RGS13: variants seen among roughly 807,000 people sequenced by gnomAD.
RGS13 encodes regulator of G-protein signalling 13.
RGS13 carries 14 observed loss-of-function variants against 19.9 expected under a neutral mutation model. The ratio of observed to expected loss-of-function variants is 0.70; its 90% CI spans 0.46 to 1.10. The LOEUF is 1.10. RGS13 is among the 50% of genes least tolerant of loss of function. The pLI is 0.00. For missense variants in RGS13, 205 were observed against 187.1 expected (o/e 1.10, Z -0.56); for synonymous variants, 60 against 56.8 (o/e 1.06, Z -0.25).
chr1:192,656,995 A>G (rs1015686123), intron 5 of RGS13, among the ~76,000 whole-genome samples: 2 of 152,076 alleles, frequency 1.3e-5, no homozygotes, highest in African/African-American at 4.8e-5. Context: ...ATTTCTCATA[A>G]TAGTAAATGA....
At position 192,636,447 on chromosome 1, in the gene RGS13, A is replaced by G. The variant is rs1663020470; in HGVS notation, c.-116+130A>G. The G allele has an allele frequency of 2.0e-5, 3 of 152,072 alleles. No homozygotes were observed. In the South Asian group the frequency reaches 6.2e-4, roughly 31 times the overall value. 9.4% of individuals were successfully genotyped at this position (152,072 alleles called of 1,614,324 possible). On this transcript the variant is annotated intron_variant, in intron 1 of 6. Transcript: ENST00000391995. ...ACAGAGGTTTTTCTAAGAAAAAAAG[A>G]CAAACTAACAAACACATATTCTTTT...
In RGS13 at chr1:192,659,614, T is replaced by G; in HGVS notation, c.*91T>G. ...GAAACCCACAAAATCAGAAACACAGTACAAATAAAACAGAAATCAAACTAT... is the reference window on the plus strand; with the variant it reads ...GAAACCCACAAAATCAGAAACACAGGACAAATAAAACAGAAATCAAACTAT... On this transcript the variant is annotated 3_prime_UTR_variant, in exon 7 of 7. Coordinates refer to ENST00000391995, the MANE Select transcript of RGS13 (RefSeq NM_002927.5). 2.3e-6 allele frequency: 2 copies of G among 876,602 alleles called. No individual in the cohort carries two copies. Among genetic ancestry groups the G allele is most frequent in the Non-Finnish European group, 3.5e-6 (2 of 568,362 alleles). The allele number at this position is 876,602 out of a possible 1,614,324, so 54.3% of individuals were successfully genotyped here.
chr1:192,658,403 T>C lies in RGS13; in HGVS notation c.294+36T>C, dbSNP rs765426725. The C allele has an allele frequency of 9.5e-6, 15 of 1,586,024 alleles. No individual in the cohort carries two copies. The Admixed American group carries it at 2.6e-4, about 28-fold the overall frequency. On this transcript the variant is annotated intron_variant, in intron 6 of 6. Coordinates refer to ENST00000391995, the MANE Select transcript of RGS13 (RefSeq NM_002927.5). ...GACAATGACAGGAATGGAAATCAGTTCATCCCTGCAAGGGCATTAATATCT... is the reference window on the plus strand; with the variant it reads ...GACAATGACAGGAATGGAAATCAGTCCATCCCTGCAAGGGCATTAATATCT...
chr1:192,657,865 C>G (rs116012659), intron 5 of RGS13, among the ~76,000 whole-genome samples: 1 of 152,026 alleles, frequency 6.6e-6, no homozygotes, highest in Non-Finnish European at 1.5e-5. Flanking sequence ...ATGATTAGAG[C>G]CCCCGTCCTC....
chr1:192,641,254 A>AAAGAAAGAAAGAAAAGAAAGAAAG (rs1553257010), intron 3 of RGS13, among the ~76,000 whole-genome samples: 1 of 67,390 alleles, frequency 1.5e-5, no homozygotes, highest in African/African-American at 5.1e-5. Context: ...GAAAAGAAAG[A>AAAGAAAGAAAGAAAAGAAAGAAAG]AAAGAAAGAA....
chr1:192,642,391 G>A (rs777232528), intron 3 of RGS13, among the ~76,000 whole-genome samples: 6 of 149,294 alleles, frequency 4.0e-5, no homozygotes, highest in South Asian at 4.2e-4. Context: ...GTGTGATCAC[G>A]GCACACTGCA....
At chr1:192,648,105 C>T in intron 5 of RGS13, 118 bp downstream of exon 5, 2 of 564,972 alleles carry the variant, frequency 3.5e-6, no homozygotes, top group Non-Finnish European at 6.0e-6. Context: ...TAACTGGCAA[C>T]TGACACAGTT....
intron 5 of RGS13, among the ~76,000 whole-genome samples, chr1:192,651,036 G>A (rs6666667): frequency 0.022 from 3,419 of 152,062 alleles, 57 homozygotes; most frequent in Admixed American, 0.037. Context: ...GAGAGGGAGA[G>A]TTCAGATAGA....
chr1:192,659,291 T>A, intron 6 of RGS13, 47 bp from the exon 7 acceptor site: 1 of 1,466,286 alleles, frequency 6.8e-7, no homozygotes, highest in Non-Finnish European at 9.3e-7. Flanking sequence ...TGTGCCTTTT[T>A]TTCAACTATG....
At chr1:192,648,158 T>C (rs757096803) in intron 5 of RGS13, among the ~76,000 whole-genome samples, 171 bp downstream of exon 5, 1 of 152,206 alleles carries the variant, frequency 6.6e-6, no homozygotes. Context: ...TCAACCACTA[T>C]TATTTTCTCT....
At chr1:192,659,247 G>A (rs1663563126) in intron 6 of RGS13, 91 bp from the exon 7 acceptor site, 8 of 804,844 alleles carry the variant, frequency 9.9e-6, no homozygotes, top group Non-Finnish European at 1.3e-5. Context: ...CACTGAAAAG[G>A]AGAGCAGAGA....
At chr1:192,654,405 G>C (rs1663399082) in intron 5 of RGS13, among the ~76,000 whole-genome samples, 1 of 151,560 alleles carries the variant, frequency 6.6e-6, no homozygotes, top group African/African-American at 2.4e-5. Context: ...TTTAAGCTGT[G>C]TTTATAATAT....
Position 192,644,462 on chromosome 1 carries a change from C to A in RGS13, c.65+63C>A, listed in dbSNP as rs990807000. 2.5e-6 allele frequency: 3 copies of A among 1,207,876 alleles called. No homozygotes were observed. The South Asian group carries it at 4.1e-5, about 16-fold the overall frequency. The allele number at this position is 1,207,876 out of a possible 1,614,324, so 74.8% of individuals were successfully genotyped here. ...ATATTTATCAGATGATAAATAGGTA[C>A]ATATTTATTAAACTGCTATTGTAAC... On this transcript the variant is annotated intron_variant, in intron 4 of 6. Coordinates refer to ENST00000391995, the MANE Select transcript of RGS13 (RefSeq NM_002927.5).
rs1319527337 is a variant in RGS13, at chr1:192,660,195, TG to T, written c.*673del. On this transcript the variant is annotated 3_prime_UTR_variant, in exon 7 of 7. Coordinates refer to ENST00000391995, the MANE Select transcript of RGS13 (RefSeq NM_002927.5). ...AAAATGTGGTTTCTATATTTTGAGA[TG>T]TTTTTTCCTTACAATGTGAACTCAT... 1 of 152,102 alleles carries T rather than the reference TG, an allele frequency of 6.6e-6. No individual in the cohort carries two copies. The highest frequency in any genetic ancestry group is 1.5e-5 in the Non-Finnish European group (1 of 67,972). 9.4% of individuals were successfully genotyped at this position (152,102 alleles called of 1,614,324 possible).
chr1:192,648,056 G>A, intron 5 of RGS13, 69 bp downstream of exon 5: 1 of 1,073,562 alleles, frequency 9.3e-7, no homozygotes, highest in Non-Finnish European at 1.4e-6. Flanking sequence ...AGGTGGGGGT[G>A]CCAGATGATG....
intron 5 of RGS13, among the ~76,000 whole-genome samples, chr1:192,651,536 C>A (rs1055700163): frequency 1.3e-5 from 2 of 151,904 alleles, no homozygotes; most frequent in African/African-American, 2.4e-5. Context: ...GGGGAAGAAA[C>A]TGATGACACA....
In RGS13 at chr1:192,641,208, GAA is replaced by G. The variant is rs1342466798; in HGVS notation, c.-5+3007_-5+3008del. Among the ~76,000 whole-genome samples the G allele has an allele frequency of 2.0e-3, 179 of 88,562 alleles. 1 individual carries two copies. The highest frequency in any genetic ancestry group is 7.4e-3 in the African/African-American group (158 of 21,382). The allele number at this position is 88,562 out of a possible 152,430, so 58.1% of individuals were successfully genotyped here. ...GAAAGAAAAAAAAGAAAAAAGGAAA[GAA>G]AGAAAGAAAGAGAGAAAGAAAGAAA... On this transcript the variant is annotated intron_variant, in intron 3 of 6. Transcript: ENST00000391995.
Position 192,659,582 on chromosome 1 carries a change from T to C in RGS13, c.*59T>C, listed in dbSNP as rs2102040783. 8.0e-7 allele frequency: 1 copy of C among 1,246,064 alleles called. No homozygotes were observed. The highest frequency in any genetic ancestry group is 1.5e-5 in the South Asian group (1 of 68,704). 77.2% of individuals were successfully genotyped at this position (1,246,064 alleles called of 1,614,324 possible). On this transcript the variant is annotated 3_prime_UTR_variant, in exon 7 of 7. Transcript: ENST00000391995. Reference sequence around the variant, plus strand: ...ATTGAAAGTGGTGGGTTTGATCTTTTTATTTAGAAACCCACAAAATCAGAA... The same window carrying C: ...ATTGAAAGTGGTGGGTTTGATCTTTCTATTTAGAAACCCACAAAATCAGAA...
Position 192,659,355 on chromosome 1 carries a change from G to T in RGS13, c.312G>T (p.Ser104=), listed in dbSNP as rs149936703. Residue 104 remains serine (S), a synonymous_variant, in exon 7 of 7, where the codon TCG becomes TCT. Coordinates refer to ENST00000391995, the MANE Select transcript of RGS13 (RefSeq NM_002927.5). ...CTTTTCAGATTAACATTGACAGTTC[G>T]ACAAGAGAGACTATCATCAGGAACA... ...QSPREINIDS[S]TRETIIRNIQ... is the part of the protein sequence containing the mutation. 6.2e-7 allele frequency: 1 copy of T among 1,610,954 alleles called. No homozygotes were observed. The highest frequency in any genetic ancestry group is 8.5e-7 in the Non-Finnish European group (1 of 1,178,834).
Sources: gnomAD v4.1 joint callset for allele counts (sites outside exome capture counted in the v4.1 genomes callset) on GRCh38, gnomAD v4.1.1 for gene constraint, MANE v1.5 for transcripts, NCBI Gene and HGNC (gene_info 2026-07-23, HGNC 2026-07-21) for gene names.